Variants in HECW1 observed in about 807,000 individuals in gnomAD.
HECW1 encodes E3 ubiquitin-protein ligase HECW1.
HECW1 carries 61 observed loss-of-function variants against 182.3 expected under a neutral mutation model. The observed-to-expected ratio is 0.33, with a 90% CI of 0.27 to 0.41. The LOEUF is 0.41. Among genes scored for constraint, HECW1 ranks in the 10% least tolerant of loss-of-function variants. The pLI is 1.00. For missense variants in HECW1, 1,739 were observed against 2,108.9 expected, an observed-to-expected ratio of 0.82 and a Z score of 3.44; for synonymous variants, 859 against 832.6, an observed-to-expected ratio of 1.03 and a Z score of -0.55.
At chr7:43,152,577 G>T (rs1789456630) in intron 2 of HECW1, among the ~76,000 whole-genome samples, 1 of 152,128 alleles carries the variant, frequency 6.6e-6, no homozygotes, top group East Asian at 1.9e-4. Context: ...TTGCTTTGTT[G>T]TTGTTGTTTT....
At chr7:43,392,431 G>C (rs2075069923) in intron 6 of HECW1, among the ~76,000 whole-genome samples, 1 of 152,232 alleles carries the variant, frequency 6.6e-6, no homozygotes, top group Non-Finnish European at 1.5e-5. Flanking sequence ...CCAAGAGGCA[G>C]CTTAGAAAGT....
chr7:43,307,861 G>A (rs1307787388), intron 3 of HECW1, among the ~76,000 whole-genome samples: 1 of 131,510 alleles, frequency 7.6e-6, no homozygotes, highest in Non-Finnish European at 1.5e-5. Context: ...TAACTTGATT[G>A]TGGTAATCAT....
At chr7:43,481,816 C>G (rs927032972) in intron 17 of HECW1, among the ~76,000 whole-genome samples, 3 of 151,906 alleles carry the variant, frequency 2.0e-5, no homozygotes, top group African/African-American at 7.3e-5. Context: ...AACCCCATCT[C>G]TACTAAAATA....
In HECW1 at chr7:43,562,116, C is replaced by T. The variant is rs1358268497; in HGVS notation, c.*190C>T. On this transcript the variant is annotated 3_prime_UTR_variant, in exon 30 of 30. Transcript: ENST00000395891. ...CTTCTTCTAAGATCTAACCTTCAGG[C>T]TTCTCTCCTCTGTTTTCAATGAACT... 5.0e-5 allele frequency: 28 copies of T among 559,582 alleles called. No individual in the cohort carries two copies. Among genetic ancestry groups the T allele is most frequent in the Non-Finnish European group, 9.0e-5 (28 of 310,920 alleles). 34.7% of individuals were successfully genotyped at this position (559,582 alleles called of 1,614,324 possible).
At chr7:43,228,788 T>C (rs1174371029) in intron 2 of HECW1, among the ~76,000 whole-genome samples, 1 of 152,242 alleles carries the variant, frequency 6.6e-6, no homozygotes. Context: ...GTAGTATGCT[T>C]ATAAAAGGCA....
chr7:43,227,355 A>G (rs1219664444), intron 2 of HECW1, among the ~76,000 whole-genome samples: 5 of 152,204 alleles, frequency 3.3e-5, no homozygotes, highest in Non-Finnish European at 7.4e-5. Context: ...TTGAATTAAT[A>G]TAAGTTTACA....
Position 43,554,652 on chromosome 7 carries a change from A to G in HECW1, c.4571A>G (p.Asn1524Ser). The G allele has an allele frequency of 6.2e-7, 1 of 1,613,932 alleles. No individual in the cohort carries two copies. Among genetic ancestry groups the G allele is most frequent in the Non-Finnish European group, 8.5e-7 (1 of 1,179,926 alleles). Residue 1524 changes from asparagine (N) to serine (S), a missense_variant, in exon 29 of 30, where the codon AAT becomes AGT. Physicochemically the swap from Asn to Ser is conservative, Grantham distance 46. Coordinates refer to ENST00000395891, the MANE Select transcript of HECW1 (RefSeq NM_015052.5). ...WFWAAVERFNNEQRLRLLQFV... is the reference protein window; with the variant it reads ...WFWAAVERFNSEQRLRLLQFV... ...TGGGCTGCGGTGGAGCGCTTCAATA[A>G]TGAGCAGAGGCTGAGATTACTGCAG...
chr7:43,532,356 G>A (rs756504497), intron 24 of HECW1, among the ~76,000 whole-genome samples: 1 of 152,080 alleles, frequency 6.6e-6, no homozygotes, highest in Non-Finnish European at 1.5e-5. Flanking sequence ...ACTCTTGCCA[G>A]ACTCACCTCT....
intron 2 of HECW1, among the ~76,000 whole-genome samples, chr7:43,152,210 A>T (rs1789407767): frequency 1.3e-5 from 2 of 152,334 alleles, no homozygotes; most frequent in African/African-American, 4.8e-5. Flanking sequence ...TGGGAAAAAA[A>T]ATGTTCAAGG....
intron 8 of HECW1, among the ~76,000 whole-genome samples, chr7:43,411,064 C>T (rs1164190556): frequency 6.8e-6 from 1 of 146,360 alleles, no homozygotes; most frequent in Non-Finnish European, 1.5e-5. Context: ...TTTTTAGCTC[C>T]TTAGGGTAAA....
intron 15 of HECW1, among the ~76,000 whole-genome samples, chr7:43,467,478 G>A (rs2077827607): frequency 6.6e-6 from 1 of 152,052 alleles, no homozygotes. Context: ...CAGATCACCT[G>A]GTAACTCATG....
intron 6 of HECW1, among the ~76,000 whole-genome samples, chr7:43,375,012 G>A (rs980898986): frequency 5.3e-5 from 8 of 152,028 alleles, no homozygotes; most frequent in African/African-American, 1.9e-4. Flanking sequence ...CAACTACATA[G>A]TCCTTCTTAC....
Position 43,547,234 on chromosome 7 carries a change from G to A in HECW1, c.4249-3211G>A, listed in dbSNP as rs1241626082. On this transcript the variant is annotated intron_variant, in intron 26 of 29. Transcript: ENST00000395891. Reference sequence around the variant, plus strand: ...TACAGGTATGTATGCCATTGTTCTAGCAATACTGCACTCACATAAAAGCTG... The same window carrying A: ...TACAGGTATGTATGCCATTGTTCTAACAATACTGCACTCACATAAAAGCTG... Among the ~76,000 whole-genome samples, 2 of 152,052 alleles carry A rather than the reference G, an allele frequency of 1.3e-5. 1 individual carries two copies. The highest frequency in any genetic ancestry group is 1.3e-4 in the Admixed American group (2 of 15,258).
At chr7:43,409,821 A>AATTTGGAC (rs2075738568) in intron 8 of HECW1, among the ~76,000 whole-genome samples, 7 of 152,196 alleles carry the variant, frequency 4.6e-5, no homozygotes, top group Admixed American at 2.0e-4. Flanking sequence ...CCTAAATTGT[A>AATTTGGAC]CTACAGTTCC....
chr7:43,313,758 G>T (rs1336653985), intron 4 of HECW1, among the ~76,000 whole-genome samples: 1 of 152,178 alleles, frequency 6.6e-6, no homozygotes, highest in Admixed American at 6.5e-5. Context: ...CTCCAATTTG[G>T]CAGCCTGAGC....
chr7:43,543,988 A>C (rs879683165), intron 26 of HECW1, among the ~76,000 whole-genome samples: 4 of 152,138 alleles, frequency 2.6e-5, no homozygotes, highest in Non-Finnish European at 5.9e-5. Context: ...CCATCTGTAA[A>C]AGTTTTAAGT....
At chr7:43,488,653 C>G (rs776779631) in intron 17 of HECW1, among the ~76,000 whole-genome samples, 2 of 152,164 alleles carry the variant, frequency 1.3e-5, no homozygotes, top group African/African-American at 2.4e-5. Flanking sequence ...ATACTAAATC[C>G]TAGTTCAAAC....
At position 43,271,117 on chromosome 7, in the gene HECW1, T is replaced by C. The variant is rs12666476; in HGVS notation, c.27+27185T>C. 5.5e-3 allele frequency among the ~76,000 whole-genome samples: 836 copies of C among 152,352 alleles called. 29 individuals are homozygous for C. The East Asian group carries it at 0.087, about 16-fold the overall frequency. ...TTGATGTACATGTGTTGTATGTATA[T>C]ATATTTCATTCTAAAATTCCACAAA... On this transcript the variant is annotated intron_variant, in intron 3 of 29. Transcript: ENST00000395891.
Position 43,166,560 on chromosome 7 carries a change from G to T in HECW1, c.-32+52169G>T, listed in dbSNP as rs540801517. ...ACTGATATTTTAAGAAAAGATAGGGGTTAGTCACATTACAAGTAAAAGCTT... is the reference window on the plus strand; with the variant it reads ...ACTGATATTTTAAGAAAAGATAGGGTTTAGTCACATTACAAGTAAAAGCTT... On this transcript the variant is annotated intron_variant, in intron 2 of 29. Coordinates refer to ENST00000395891, the MANE Select transcript of HECW1 (RefSeq NM_015052.5). Among the ~76,000 whole-genome samples, 156 of 152,282 alleles carry T rather than the reference G, an allele frequency of 1.0e-3. 1 individual carries two copies. Among genetic ancestry groups the T allele is most frequent in the African/African-American group, 3.6e-3 (149 of 41,550 alleles).
Sources: gnomAD v4.1 joint callset for allele counts (sites outside exome capture counted in the v4.1 genomes callset) on GRCh38, gnomAD v4.1.1 for gene constraint, MANE v1.5 for transcripts, NCBI Gene and HGNC (gene_info 2026-07-23, HGNC 2026-07-21) for gene names.